The following LRRK1 variants were observed in gnomAD, a reference collection of about 807,000 sequenced individuals.
The protein encoded by LRRK1 is leucine-rich repeat serine/threonine-protein kinase 1.
A neutral mutation model predicts 209.1 loss-of-function variants in LRRK1; 113 were observed. The observed-to-expected ratio is 0.54, with a 90% confidence interval of 0.46 to 0.63. LRRK1 has a LOEUF of 0.63. LRRK1 is among the 30% of genes least tolerant of loss of function. LRRK1 has a pLI of 0.00. For missense variants in LRRK1, 2,284 were observed against 2,632.2 expected (o/e 0.87, Z 2.89); for synonymous variants, 1,144 against 1,099.7 (o/e 1.04, Z -0.80).
intron 2 of LRRK1, among the ~76,000 whole-genome samples, chr15:100,942,958 G>A (rs1029030676): frequency 2.0e-5 from 3 of 152,144 alleles, no homozygotes; most frequent in African/African-American, 4.8e-5. Context: ...TGATCAACCC[G>A]TAGTGCTGGC....
At position 101,028,929 on chromosome 15, in the gene LRRK1, G is replaced by A. The variant is rs757451611; in HGVS notation, c.2687-27G>A. 2.5e-6 allele frequency: 4 copies of A among 1,609,950 alleles called. No homozygotes were observed. The South Asian group carries it at 4.4e-5, about 18-fold the overall frequency. On this transcript the variant is annotated intron_variant, in intron 19 of 33. Coordinates refer to ENST00000388948, the MANE Select transcript of LRRK1 (RefSeq NM_024652.6). Reference sequence around the variant, plus strand: ...CCTTTCGCTCCTTTGTCTAACTGCTGCTTCCTCCTCTCCTTGCCTGGGGCA... The same window carrying A: ...CCTTTCGCTCCTTTGTCTAACTGCTACTTCCTCCTCTCCTTGCCTGGGGCA...
At chr15:101,046,304 G>A (rs2035074368) in intron 21 of LRRK1, 152 bp downstream of exon 21, 7 of 907,158 alleles carry the variant, frequency 7.7e-6, no homozygotes, top group Middle Eastern at 3.4e-4. Context: ...GGGCAGGTGT[G>A]GCATGGGCTG....
At chr15:101,054,137 T>G (rs1885495599) in intron 26 of LRRK1, among the ~76,000 whole-genome samples, 1 of 152,146 alleles carries the variant, frequency 6.6e-6, no homozygotes, top group South Asian at 2.1e-4. Context: ...CACACCCAGC[T>G]AATTTGTTGT....
chr15:101,058,618 G>GGT (rs2050924804), intron 29 of LRRK1, among the ~76,000 whole-genome samples: 2 of 11,198 alleles, frequency 1.8e-4, no homozygotes, highest in Non-Finnish European at 3.2e-3. Context: ...AAGGGGCAAC[G>GGT]GGGGGGGGCG....
chr15:101,029,674 C>T (rs1431766698), intron 20 of LRRK1, among the ~76,000 whole-genome samples: 1 of 152,094 alleles, frequency 6.6e-6, no homozygotes, highest in Non-Finnish European at 1.5e-5. Context: ...TCAAGTCCAG[C>T]TTGACCAACA....
At chr15:100,934,119 C>T (rs1472948156) in intron 2 of LRRK1, among the ~76,000 whole-genome samples, 2 of 152,042 alleles carry the variant, frequency 1.3e-5, no homozygotes, top group African/African-American at 2.4e-5. Context: ...CAATATTTTA[C>T]AGTGAATTCC....
At chr15:101,046,586 G>A (rs541636446) in intron 21 of LRRK1, among the ~76,000 whole-genome samples, 13 of 152,354 alleles carry the variant, frequency 8.5e-5, no homozygotes, top group South Asian at 6.2e-4. Context: ...CGGTTTTGCC[G>A]TCCTGGCTGC....
intron 20 of LRRK1, among the ~76,000 whole-genome samples, chr15:101,031,933 A>G (rs2034301350): frequency 6.6e-6 from 1 of 152,106 alleles, no homozygotes; most frequent in African/African-American, 2.4e-5. Flanking sequence ...ACAGGGTTTC[A>G]CCATGTTATC....
Position 101,029,151 on chromosome 15 carries a change from C to A in LRRK1, c.2882C>A (p.Thr961Asn), listed in dbSNP as rs761840209. The A allele has an allele frequency of 6.2e-7, 1 of 1,614,202 alleles. No individual in the cohort carries two copies. The highest frequency in any genetic ancestry group is 1.1e-5 in the South Asian group (1 of 91,086). ...AEDLRMLLVG[T>N]GFTQQTEEQY... is the part of the protein sequence containing the mutation. ...GACCTCAGGATGCTGCTGGTGGGGA[C>A]TGGCTTCACGCAGCAGACGGAAGAG... The change falls in exon 20 of 34, where the codon ACT becomes AAT. Residue 961 changes from threonine to asparagine, a missense_variant. Thr to Asn is a moderately conservative substitution (Grantham distance 65, BLOSUM62 0). This residue lies in a region of LRRK1 where 780 missense variants were observed against 985.2 expected (regional missense o/e 0.79). Coordinates refer to ENST00000388948, the MANE Select transcript of LRRK1 (RefSeq NM_024652.6).
At chr15:101,031,671 C>G (rs2034288188) in intron 20 of LRRK1, among the ~76,000 whole-genome samples, 1 of 151,802 alleles carries the variant, frequency 6.6e-6, no homozygotes, top group Non-Finnish European at 1.5e-5. Flanking sequence ...TATAAGAAAT[C>G]ACCAGGCTGT....
chr15:100,972,915 T>C (rs1398198416), intron 2 of LRRK1, among the ~76,000 whole-genome samples: 2 of 29,906 alleles, frequency 6.7e-5, no homozygotes, highest in Middle Eastern at 0.014. Flanking sequence ...CTCGAAAAAC[T>C]GTACACACAC....
chr15:100,991,154 G>C (rs1170227948), intron 6 of LRRK1, among the ~76,000 whole-genome samples: 1 of 152,160 alleles, frequency 6.6e-6, no homozygotes, highest in Non-Finnish European at 1.5e-5. Flanking sequence ...ACCTATATCT[G>C]TATACATTTT....
At chr15:100,926,596 G>T (rs2042115458) in intron 2 of LRRK1, among the ~76,000 whole-genome samples, 1 of 29,314 alleles carries the variant, frequency 3.4e-5, no homozygotes, top group South Asian at 7.6e-4. Flanking sequence ...AGCATCTTGG[G>T]GCAGGGGGGC....
chr15:101,010,656 CTTT>C lies in LRRK1; in HGVS notation c.1118-5_1118-3del, dbSNP rs11300776. The stretch of plus-strand genomic sequence containing the variant: ...ATTTTTACCAATTCATACTTTGGGT[CTTT>C]TTTTTTTTTTTTAGCCACTAACTGG... On this transcript the variant is annotated splice_polypyrimidine_tract_variant and intron_variant, in intron 8 of 33. Transcript: ENST00000388948. 10,365 of 1,412,836 alleles carry C rather than the reference CTTT, an allele frequency of 7.3e-3. 12 individuals carry two copies. Among genetic ancestry groups the C allele is most frequent in the South Asian group, 0.017 (1,329 of 76,376 alleles). The allele number at this position is 1,412,836 out of a possible 1,614,324, so 87.5% of individuals were successfully genotyped here.
Position 101,073,294 on chromosome 15 carries a change from G to A in LRRK1, c.*4446G>A, listed in dbSNP as rs569422816. Reference sequence around the variant, plus strand: ...GGACTGGGAAGGCAGCCTTCCCTTGGTGTTTAATCATTGCAGGGACACCTC... The same window carrying A: ...GGACTGGGAAGGCAGCCTTCCCTTGATGTTTAATCATTGCAGGGACACCTC... On this transcript the variant is annotated 3_prime_UTR_variant, in exon 34 of 34. Transcript: ENST00000388948. 2 of 152,422 alleles carry A rather than the reference G, an allele frequency of 1.3e-5. No individual in the cohort carries two copies. The highest frequency in any genetic ancestry group is 4.1e-4 in the South Asian group (2 of 4,832). The allele number at this position is 152,422 out of a possible 1,614,324, so 9.4% of individuals were successfully genotyped here. A position where few individuals can be genotyped will look rare whatever the true frequency, so the allele number is the denominator to read the frequency against.
At chr15:100,959,890 G>A (rs1396508560) in intron 2 of LRRK1, among the ~76,000 whole-genome samples, 1 of 152,062 alleles carries the variant, frequency 6.6e-6, no homozygotes, top group Admixed American at 6.6e-5. Context: ...GTTCTCAGTA[G>A]ATGGCATGAT....
chr15:101,060,552 C>G (rs1298640650), intron 29 of LRRK1, among the ~76,000 whole-genome samples: 7 of 152,220 alleles, frequency 4.6e-5, no homozygotes, highest in African/African-American at 1.7e-4. Context: ...GCGAGCTTAA[C>G]ATATTCTCTT....
intron 2 of LRRK1, among the ~76,000 whole-genome samples, chr15:100,943,762 C>T (rs1368069409): frequency 1.3e-5 from 2 of 151,008 alleles, no homozygotes; most frequent in African/African-American, 2.4e-5. Flanking sequence ...ACTGCAACAT[C>T]CGCCTCCTGG....
At chr15:101,030,502 G>A (rs2034233518) in intron 20 of LRRK1, among the ~76,000 whole-genome samples, 1 of 152,296 alleles carries the variant, frequency 6.6e-6, no homozygotes, top group South Asian at 2.1e-4. Flanking sequence ...CTGGCACGGT[G>A]ACTGACACAG....
Sources: gnomAD v4.1 joint callset for allele counts (sites outside exome capture counted in the v4.1 genomes callset) on GRCh38, gnomAD v4.1.1 for gene constraint, gnomAD v4.1.1 regional missense constraint, MANE v1.5 for transcripts, NCBI Gene and HGNC (gene_info 2026-07-23, HGNC 2026-07-21) for gene names.